Variants in DRGX observed in about 807,000 individuals in gnomAD.
DRGX encodes dorsal root ganglia homeobox protein.
In DRGX, 21 loss-of-function variants were observed where a neutral mutation model predicts 28.6. That is an observed-to-expected ratio of 0.73 (90% CI 0.52 to 1.06). The LOEUF (loss-of-function observed/expected upper bound fraction) is 1.06. Ranked by LOEUF, DRGX falls within the 50% of genes least tolerant of loss-of-function variation. The probability of loss-of-function intolerance (pLI) is 0.00; values close to 1 mark genes in which losing one functional copy is unlikely to be tolerated. For synonymous variants in DRGX, 136 were observed against 139.1 expected, an observed-to-expected ratio of 0.98 and a Z score of 0.16; for missense variants, 354 against 343.9, an observed-to-expected ratio of 1.03 and a Z score of -0.23.
intron 6 of DRGX, among the ~76,000 whole-genome samples, chr10:49,368,247 C>G (rs140975894): frequency 6.8e-4 from 104 of 152,334 alleles, no homozygotes; most frequent in Non-Finnish European, 1.3e-3. Context: ...ACCAGAACCT[C>G]CTGGTGGCCT....
chr10:49,383,011 T>G (rs991505022), intron 6 of DRGX, among the ~76,000 whole-genome samples: 3 of 151,922 alleles, frequency 2.0e-5, no homozygotes, highest in Non-Finnish European at 4.4e-5. Context: ...CCCAGGGTCC[T>G]GGAGCAGAGA....
chr10:49,374,084 G>C (rs199693991), intron 6 of DRGX, among the ~76,000 whole-genome samples: 3 of 152,002 alleles, frequency 2.0e-5, no homozygotes, highest in African/African-American at 7.2e-5. Context: ...TTTTATTTGT[G>C]TTTTATTGTA....
rs539666419 is a variant in DRGX at position 49,381,211 on chromosome 10, G to A, written c.526+5267C>T. On this transcript the variant is annotated intron_variant, in intron 6 of 6. Transcript: ENST00000374139. The stretch of plus-strand genomic sequence containing the variant: ...TCCCTGGTGGGCAGCTTCCTGACTC[G>A]AGGCAGCCAGTTGCCTCACGGCCTG... 1.1e-4 allele frequency among the ~76,000 whole-genome samples: 16 copies of A among 152,332 alleles called. No homozygotes were observed. The East Asian group carries it at 2.7e-3, about 26-fold the overall frequency.
At chr10:49,394,264 A>C (rs1006952111) in intron 2 of DRGX, among the ~76,000 whole-genome samples, 2 of 152,158 alleles carry the variant, frequency 1.3e-5, no homozygotes, top group Non-Finnish European at 2.9e-5. Flanking sequence ...TTGGACTCTT[A>C]AGAGCTTTTA....
intron 6 of DRGX, among the ~76,000 whole-genome samples, chr10:49,378,558 G>T (rs1450242605): frequency 6.6e-6 from 1 of 152,198 alleles, no homozygotes; most frequent in Non-Finnish European, 1.5e-5. Flanking sequence ...GAATTGTATA[G>T]AATGCAAATT....
chr10:49,384,130 G>C (rs1165424491), intron 6 of DRGX, among the ~76,000 whole-genome samples: 3 of 152,216 alleles, frequency 2.0e-5, no homozygotes, highest in Admixed American at 6.5e-5. Flanking sequence ...GCTTCTGGTG[G>C]TAGCAACATG....
chr10:49,391,050 T>A, intron 3 of DRGX, 114 bp downstream of exon 3: 1 of 1,170,818 alleles, frequency 8.5e-7, no homozygotes, highest in Non-Finnish European at 1.2e-6. Flanking sequence ...AACAGAAAGA[T>A]TCAGTTAGCA....
rs757491710 is a variant in DRGX, at chr10:49,390,263, G to A, written c.133-29C>T. On this transcript the variant is annotated intron_variant, in intron 3 of 6. Transcript: ENST00000374139. ...GTAAAAGGAAAAAATATGTACTGGT[G>A]AGAGGCTGTGGCTAGGTGAGGGGAA... 2.5e-6 allele frequency: 4 copies of A among 1,575,734 alleles called. No individual in the cohort carries two copies. In the East Asian group the frequency reaches 6.8e-5, roughly 27 times the overall value.
chr10:49,376,477 G>C (rs1037332506), intron 6 of DRGX, among the ~76,000 whole-genome samples: 13 of 152,160 alleles, frequency 8.5e-5, no homozygotes, highest in Admixed American at 7.2e-4. Flanking sequence ...ACTGGGTACT[G>C]GGAGACTCTC....
intron 6 of DRGX, among the ~76,000 whole-genome samples, chr10:49,366,975 G>T (rs566684360): frequency 5.9e-5 from 9 of 152,316 alleles, no homozygotes; most frequent in Admixed American, 2.0e-4. Flanking sequence ...AATGTGTGTG[G>T]TGGAGTCTAA....
intron 6 of DRGX, among the ~76,000 whole-genome samples, chr10:49,380,454 G>A (rs1849762596): frequency 6.6e-6 from 1 of 152,198 alleles, no homozygotes; most frequent in Admixed American, 6.5e-5. Flanking sequence ...CATTAAGACA[G>A]CCTAAGAAAA....
At position 49,365,987 on chromosome 10, in the gene DRGX, C is replaced by A. The variant is rs1043831126; in HGVS notation, c.*129G>T. ...AAGGGAGCTGTGGGTCTCACTTGCC[C>A]GTCCTGGGTCCATGCAGAGGCCCTG... On this transcript the variant is annotated 3_prime_UTR_variant, in exon 7 of 7. Transcript: ENST00000374139. The A allele has an allele frequency of 4.2e-5, 49 of 1,172,936 alleles. No homozygotes were observed. In the Admixed American group the frequency reaches 1.3e-3, roughly 30 times the overall value. 72.7% of individuals were successfully genotyped at this position (1,172,936 alleles called of 1,614,324 possible). A position where few individuals can be genotyped will look rare whatever the true frequency, so the allele number is the denominator to read the frequency against.
At chr10:49,390,292 G>T in intron 3 of DRGX, 58 bp from the exon 4 acceptor site, 2 of 1,429,596 alleles carry the variant, frequency 1.4e-6, no homozygotes, top group South Asian at 1.3e-5. Context: ...AGGGGAAGCA[G>T]ATGCATATTT....
At chr10:49,391,354 C>A in intron 2 of DRGX, 93 bp from the exon 3 acceptor site, 3 of 942,380 alleles carry the variant, frequency 3.2e-6, no homozygotes, top group Non-Finnish European at 5.0e-6. Flanking sequence ...ACCTGACCCA[C>A]CAGACAGGAA....
chr10:49,378,136 CAGA>C (rs1411252197), intron 6 of DRGX, among the ~76,000 whole-genome samples: 2 of 152,038 alleles, frequency 1.3e-5, no homozygotes, highest in East Asian at 1.9e-4. Context: ...TCAACAGTTA[CAGA>C]AGAAGTGATG....
At chr10:49,369,400 C>T (rs1320217800) in intron 6 of DRGX, among the ~76,000 whole-genome samples, 1 of 152,152 alleles carries the variant, frequency 6.6e-6, no homozygotes, top group African/African-American at 2.4e-5. Flanking sequence ...CTGTACATAC[C>T]ATGGAATATG....
At chr10:49,375,411 T>C (rs1259379870) in intron 6 of DRGX, among the ~76,000 whole-genome samples, 1 of 152,172 alleles carries the variant, frequency 6.6e-6, no homozygotes, top group Non-Finnish European at 1.5e-5. Flanking sequence ...CACATTTTAG[T>C]TCTTCAAAGT....
At chr10:49,374,245 C>T (rs989028277) in intron 6 of DRGX, among the ~76,000 whole-genome samples, 4 of 152,144 alleles carry the variant, frequency 2.6e-5, no homozygotes, top group East Asian at 1.9e-4. Context: ...GGATAAAGAC[C>T]GTGTCTTCAT....
Position 49,373,076 on chromosome 10 carries a change from T to G in DRGX, c.527-6695A>C, listed in dbSNP as rs1297866492. 2.0e-5 allele frequency among the ~76,000 whole-genome samples: 3 copies of G among 152,308 alleles called. No homozygotes were observed. In the East Asian group the frequency reaches 5.8e-4, roughly 29 times the overall value. ...AAAGAGAAGATAAGCAAATAATATT[T>G]TTTAAAGATAAAAAATTTAAATAAA... On this transcript the variant is annotated intron_variant, in intron 6 of 6. Transcript: ENST00000374139.
Sources: allele counts gnomAD v4.1 joint callset (sites outside exome capture counted in the v4.1 genomes callset), GRCh38; gene constraint gnomAD v4.1.1; transcripts MANE v1.5; gene names NCBI Gene and HGNC (gene_info 2026-07-23, HGNC 2026-07-21).